Variants in FAM53A observed in about 807,000 individuals in gnomAD.
The protein encoded by FAM53A is protein FAM53A.
A neutral mutation model predicts 26.6 loss-of-function variants in FAM53A; 28 were observed. The observed-to-expected ratio is 1.05, with a 90% CI of 0.78 to 1.45. FAM53A has a LOEUF of 1.45. FAM53A is among the 40% of genes most tolerant of loss of function. FAM53A has a pLI of 0.00. For synonymous variants in FAM53A, 290 were observed against 253.1 expected (o/e 1.15, Z -1.38); for missense variants, 650 against 575.8 (o/e 1.13, Z -1.32).
At chr4:1,576,468 G>A in the FAM53A span, among the ~76,000 whole-genome samples, 1 of 152,178 alleles carries the variant, frequency 6.6e-6, no homozygotes, top group Non-Finnish European at 1.5e-5. Context: ...CCCAATTTAC[G>A]GGGCCGCGCT....
At chr4:1,644,150 G>A in intron 4 of FAM53A, 1 of 1,528,740 alleles carries the variant, frequency 6.5e-7, no homozygotes, top group Non-Finnish European at 8.8e-7. Flanking sequence ...CCACCAGGCT[G>A]CACTACACAC....
the FAM53A span, among the ~76,000 whole-genome samples, chr4:1,591,332 T>C: frequency 6.6e-6 from 1 of 152,160 alleles, no homozygotes; most frequent in Admixed American, 6.5e-5. Context: ...GGTTTATTTC[T>C]GCAGGCTGGC....
chr4:1,652,416 C>A (rs530459020), intron 4 of FAM53A, among the ~76,000 whole-genome samples: 1 of 139,650 alleles, frequency 7.2e-6, no homozygotes, highest in Non-Finnish European at 1.6e-5. Flanking sequence ...GACACACACA[C>A]GCCACATACA....
chr4:1,601,890 C>T, the FAM53A span, among the ~76,000 whole-genome samples: 3 of 39,360 alleles, frequency 7.6e-5, 1 homozygote, highest in East Asian at 3.6e-4. Context: ...GGGGGATGGG[C>T]GGCCAGTCCA....
At chr4:1,656,176 C>T (rs1407289029) in intron 3 of FAM53A, among the ~76,000 whole-genome samples, 3 of 152,216 alleles carry the variant, frequency 2.0e-5, no homozygotes, top group Non-Finnish European at 4.4e-5. Flanking sequence ...CAGGGTCACA[C>T]CTGCTGCCAC....
At chr4:1,623,432 C>A (rs532955166) in intron 1 of FAM53A, among the ~76,000 whole-genome samples, 1 of 151,976 alleles carries the variant, frequency 6.6e-6, no homozygotes, top group Non-Finnish European at 1.5e-5. Flanking sequence ...GGCTTGGCCA[C>A]GGTCTCAGGC....
intron 1 of FAM53A, among the ~76,000 whole-genome samples, chr4:1,678,073 T>A (rs1056977252): frequency 6.6e-6 from 1 of 152,156 alleles, no homozygotes; most frequent in Admixed American, 6.5e-5. Context: ...AAAATTGCTG[T>A]CATCAAGACC....
chr4:1,654,500 G>A (rs1205343058), intron 4 of FAM53A, among the ~76,000 whole-genome samples: 1 of 152,262 alleles, frequency 6.6e-6, no homozygotes, highest in Non-Finnish European at 1.5e-5. Flanking sequence ...AAAGCGCACA[G>A]GCGCTGCTGG....
chr4:1,660,303 A>G (rs943669874), intron 2 of FAM53A, among the ~76,000 whole-genome samples: 1 of 151,214 alleles, frequency 6.6e-6, no homozygotes, highest in African/African-American at 2.4e-5. Flanking sequence ...GAAAAAAACG[A>G]AATCTGTACT....
intron 1 of FAM53A, among the ~76,000 whole-genome samples, chr4:1,623,001 C>A (rs1715113615): frequency 6.6e-6 from 1 of 152,232 alleles, no homozygotes; most frequent in South Asian, 2.1e-4. Flanking sequence ...CGCTCTTGTG[C>A]CCATGGGGAA....
At chr4:1,664,865 C>T (rs1180420321) in intron 2 of FAM53A, among the ~76,000 whole-genome samples, 1 of 152,026 alleles carries the variant, frequency 6.6e-6, no homozygotes, top group African/African-American at 2.4e-5. Context: ...GTAATCCCAA[C>T]TACTGAGGAG....
chr4:1,652,964 G>A (rs12502617), intron 4 of FAM53A, among the ~76,000 whole-genome samples: 44,302 of 144,854 alleles, frequency 0.31, 6,760 homozygotes, highest in Middle Eastern at 0.52. Context: ...CACAGACCAC[G>A]CATACACTAC....
chr4:1,598,041 G>A, the FAM53A span, among the ~76,000 whole-genome samples: 3 of 152,222 alleles, frequency 2.0e-5, no homozygotes, highest in Non-Finnish European at 2.9e-5. Flanking sequence ...CCCCAGGACT[G>A]TTCTAAAAGA....
chr4:1,679,684 T>TAA (rs35096985), intron 1 of FAM53A, among the ~76,000 whole-genome samples: 8,672 of 112,280 alleles, frequency 0.077, 1,002 homozygotes, highest in African/African-American at 0.26. Flanking sequence ...GAAACTCCAT[T>TAA]AAAAAAAAAA....
intron 4 of FAM53A, among the ~76,000 whole-genome samples, chr4:1,651,633 G>T (rs550014959): frequency 6.6e-6 from 1 of 152,226 alleles, no homozygotes; most frequent in East Asian, 1.9e-4. Context: ...AATAACCGGG[G>T]TCAAGAGGAA....
intron 2 of FAM53A, 106 bp downstream of exon 2, chr4:1,668,561 C>A: frequency 7.6e-7 from 1 of 1,309,580 alleles, no homozygotes. Context: ...CAGGGCCCCC[C>A]AGGCCCCTGA....
the FAM53A span, among the ~76,000 whole-genome samples, chr4:1,603,728 C>T: frequency 2.0e-5 from 3 of 152,214 alleles, no homozygotes; most frequent in African/African-American, 4.8e-5. Context: ...AAGAGCCCCT[C>T]GGGACGTGCT....
At chr4:1,577,774 G>A in the FAM53A span, among the ~76,000 whole-genome samples, 4 of 152,110 alleles carry the variant, frequency 2.6e-5, no homozygotes, top group African/African-American at 9.7e-5. Flanking sequence ...TCATTACCGC[G>A]GCCATTTAAT....
chr4:1,610,353 G>A, the FAM53A span, among the ~76,000 whole-genome samples: 7 of 152,168 alleles, frequency 4.6e-5, no homozygotes, highest in South Asian at 4.2e-4. Flanking sequence ...TCAGGACACC[G>A]CCCGTGCAGG....
Sources: gnomAD v4.1 joint callset for allele counts (sites outside exome capture counted in the v4.1 genomes callset) on GRCh38, gnomAD v4.1.1 for gene constraint, MANE v1.5 for transcripts, NCBI Gene and HGNC (gene_info 2026-07-23, HGNC 2026-07-21) for gene names.